The following ANO10 variants were observed in gnomAD, a reference collection of about 807,000 sequenced individuals.
The protein encoded by ANO10 is anoctamin-10.
ANO10 carries 77 observed loss-of-function variants against 74.7 expected under a neutral mutation model. That is an observed-to-expected ratio of 1.03 (90% CI 0.86 to 1.25). The LOEUF is 1.25. Among genes scored for constraint, ANO10 ranks in the 50% most tolerant of loss-of-function variants. ANO10 has a pLI of 0.00. For synonymous variants in ANO10, 279 were observed against 284.9 expected (o/e 0.98, Z 0.21); for missense variants, 721 against 778.1 (o/e 0.93, Z 0.87).
intron 11 of ANO10, among the ~76,000 whole-genome samples, chr3:43,459,685 G>A (rs1222863979): frequency 1.3e-5 from 2 of 152,168 alleles, no homozygotes; most frequent in Admixed American, 1.3e-4. Flanking sequence ...TGGAGCTTCT[G>A]CTCAGGCCTC....
intron 11 of ANO10, among the ~76,000 whole-genome samples, chr3:43,523,955 G>A (rs1324149704): frequency 6.6e-6 from 1 of 151,746 alleles, no homozygotes; most frequent in Non-Finnish European, 1.5e-5. Flanking sequence ...AGGGGCTACA[G>A]TGGAGGTGGA....
intron 11 of ANO10, among the ~76,000 whole-genome samples, chr3:43,545,205 C>T: frequency 6.6e-6 from 1 of 151,964 alleles, no homozygotes; most frequent in South Asian, 2.1e-4. Context: ...ATGCTACTAG[C>T]AAAACTTTTT....
At chr3:43,656,560 G>A (rs1023529265) in intron 1 of ANO10, among the ~76,000 whole-genome samples, 122 of 152,352 alleles carry the variant, frequency 8.0e-4, no homozygotes, top group African/African-American at 2.4e-3. Context: ...TGCAGGTAGC[G>A]AGCCCTGCCC....
rs559346219 is a variant in ANO10, at chr3:43,470,644, T to A, written c.1798-37917A>T. Among the ~76,000 whole-genome samples, 145 of 105,374 alleles carry A rather than the reference T, an allele frequency of 1.4e-3. 1 individual carries two copies. The highest frequency in any genetic ancestry group is 5.0e-3 in the Middle Eastern group (1 of 202). 69.1% of individuals were successfully genotyped at this position (105,374 alleles called of 152,430 possible). On this transcript the variant is annotated intron_variant, in intron 11 of 12. Transcript: ENST00000292246. ...TATTTATTTATGTATTTATTTATTT[T>A]GAGGCAGAGTTTCACTTTGTCATCC...
chr3:43,598,644 T>C lies in ANO10; in HGVS notation c.360A>G (p.Thr120=), dbSNP rs2082200730. 1.9e-6 allele frequency: 3 copies of C among 1,607,810 alleles called. No homozygotes were observed. Among genetic ancestry groups the C allele is most frequent in the Non-Finnish European group, 2.5e-6 (3 of 1,176,518 alleles). Reference sequence around the variant, plus strand: ...TGATAATGAATTGACATTCTGCCATTGTCAGGAAATCATCATTGTTATCTA... The same window carrying C: ...TGATAATGAATTGACATTCTGCCATCGTCAGGAAATCATCATTGTTATCTA... The part of the protein sequence containing the change: ...GFDDNNDDFL[T]MAECQFIIKH... The change falls in exon 4 of 13, where the codon ACA becomes ACG. Residue 120 remains threonine, a synonymous_variant. Transcript: ENST00000292246.
chr3:43,679,946 C>T (rs1165594796), intron 1 of ANO10, among the ~76,000 whole-genome samples: 1 of 152,144 alleles, frequency 6.6e-6, no homozygotes, highest in African/African-American at 2.4e-5. Context: ...ACGTCACCAT[C>T]ATCAAAGACC....
chr3:43,628,417 A>G (rs1216384219), intron 1 of ANO10, among the ~76,000 whole-genome samples: 1 of 152,164 alleles, frequency 6.6e-6, no homozygotes, highest in Non-Finnish European at 1.5e-5. Context: ...CTGTCAGCCG[A>G]GGAGGATGTA....
At chr3:43,401,175 A>G (rs1462782704) in intron 12 of ANO10, among the ~76,000 whole-genome samples, 1 of 152,116 alleles carries the variant, frequency 6.6e-6, no homozygotes, top group Non-Finnish European at 1.5e-5. Context: ...TATTTCCTGT[A>G]TCTTTTTTCC....
chr3:43,604,248 C>T (rs1041126226), intron 2 of ANO10, among the ~76,000 whole-genome samples: 6 of 152,118 alleles, frequency 3.9e-5, no homozygotes, highest in African/African-American at 1.4e-4. Flanking sequence ...CTCCTTCTAG[C>T]TATTTGAAAC....
chr3:43,556,555 GC>G, intron 9 of ANO10, among the ~76,000 whole-genome samples: 1 of 152,122 alleles, frequency 6.6e-6, no homozygotes, highest in Non-Finnish European at 1.5e-5. Flanking sequence ...GTGCTTTTGA[GC>G]CAAGAAATTT....
intron 4 of ANO10, among the ~76,000 whole-genome samples, chr3:43,592,032 C>T (rs1317625475): frequency 6.6e-6 from 1 of 152,214 alleles, no homozygotes; most frequent in African/African-American, 2.4e-5. Context: ...AACTGCAAGG[C>T]AGCAGCAAGG....
chr3:43,382,883 A>G (rs149061659), intron 12 of ANO10, among the ~76,000 whole-genome samples: 1 of 152,324 alleles, frequency 6.6e-6, no homozygotes, highest in African/African-American at 2.4e-5. Flanking sequence ...ATGGTAATTA[A>G]AATGTTACCA....
intron 1 of ANO10, among the ~76,000 whole-genome samples, chr3:43,684,695 T>C (rs913995837): frequency 1.3e-5 from 2 of 152,216 alleles, no homozygotes; most frequent in Admixed American, 1.3e-4. Flanking sequence ...TGTTCAACAA[T>C]GATAGACTGG....
intron 12 of ANO10, among the ~76,000 whole-genome samples, chr3:43,431,679 T>C (rs571312801): frequency 1.4e-4 from 22 of 152,046 alleles, no homozygotes; most frequent in Non-Finnish European, 3.1e-4. Context: ...CTATGGCTAG[T>C]GGGCCTGGGT....
chr3:43,663,286 A>G (rs967036294), intron 1 of ANO10, among the ~76,000 whole-genome samples: 2 of 152,190 alleles, frequency 1.3e-5, no homozygotes, highest in African/African-American at 4.8e-5. Context: ...AACCAACAAC[A>G]AAAACCACGA....
chr3:43,680,067 C>A (rs543650583), intron 1 of ANO10, among the ~76,000 whole-genome samples: 2 of 152,120 alleles, frequency 1.3e-5, no homozygotes, highest in Non-Finnish European at 2.9e-5. Flanking sequence ...TCACCAGCAA[C>A]GGAACAAAGC....
chr3:43,429,581 C>G (rs1028845311), intron 12 of ANO10, among the ~76,000 whole-genome samples: 4 of 152,076 alleles, frequency 2.6e-5, no homozygotes, highest in Non-Finnish European at 5.9e-5. Context: ...AGAGACAAGG[C>G]TGTACATTCA....
chr3:43,564,111 C>A (rs2080190333), intron 8 of ANO10, among the ~76,000 whole-genome samples: 1 of 151,992 alleles, frequency 6.6e-6, no homozygotes, highest in South Asian at 2.1e-4. Flanking sequence ...CAGTTCACTG[C>A]AGCCTGGAGC....
intron 4 of ANO10, among the ~76,000 whole-genome samples, chr3:43,582,227 G>A (rs1200758327): frequency 1.3e-5 from 2 of 152,094 alleles, no homozygotes; most frequent in Admixed American, 6.5e-5. Flanking sequence ...CAAGGCGGGT[G>A]GATCACAAGG....
Sources: gnomAD v4.1 joint callset for allele counts (sites outside exome capture counted in the v4.1 genomes callset) on GRCh38, gnomAD v4.1.1 for gene constraint, MANE v1.5 for transcripts, NCBI Gene and HGNC (gene_info 2026-07-23, HGNC 2026-07-21) for gene names.